The following CTNND2 variants were observed in gnomAD, a reference collection of about 807,000 sequenced individuals.
CTNND2 encodes the protein catenin delta 2, also known as catenin delta-2.
CTNND2 carries 22 observed loss-of-function variants against 144.4 expected under a neutral mutation model. That is an observed-to-expected ratio of 0.15 (90% CI 0.11 to 0.22). The LOEUF (loss-of-function observed/expected upper bound fraction) is 0.22. Among genes scored for constraint, CTNND2 ranks in the 10% least tolerant of loss-of-function variants. CTNND2 has a pLI of 1.00. For synonymous variants in CTNND2, 751 were observed against 695.6 expected, an observed-to-expected ratio of 1.08 and a Z score of -1.25; for missense variants, 1,353 against 1,618.8, an observed-to-expected ratio of 0.84 and a Z score of 2.82.
At chr5:11,106,429 AATG>A (rs1231448199) in intron 14 of CTNND2, among the ~76,000 whole-genome samples, 1 of 152,186 alleles carries the variant, frequency 6.6e-6, no homozygotes, top group African/African-American at 2.4e-5. Flanking sequence ...GTCTGTGTCA[AATG>A]ATAAGCTGTC....
chr5:11,283,340 T>C (rs550989579), intron 9 of CTNND2, among the ~76,000 whole-genome samples: 2 of 152,018 alleles, frequency 1.3e-5, no homozygotes, highest in Admixed American at 6.6e-5. Context: ...ACCAAAGAGA[T>C]ATGTCAACTT....
At chr5:11,271,608 G>C (rs1383882989) in intron 9 of CTNND2, among the ~76,000 whole-genome samples, 2 of 152,162 alleles carry the variant, frequency 1.3e-5, no homozygotes, top group African/African-American at 4.8e-5. Flanking sequence ...TCAATTGTCA[G>C]AATGGGTCCC....
At chr5:11,118,647 G>A (rs1042360664) in intron 12 of CTNND2, among the ~76,000 whole-genome samples, 3 of 152,172 alleles carry the variant, frequency 2.0e-5, no homozygotes, top group African/African-American at 7.2e-5. Context: ...GAGGAGGGTG[G>A]TGTTCTTTGC....
chr5:11,129,264 T>A (rs1300858094), intron 12 of CTNND2, among the ~76,000 whole-genome samples: 39 of 75,518 alleles, frequency 5.2e-4, no homozygotes, highest in African/African-American at 1.8e-3. Context: ...AAAATATAAA[T>A]ATATAAATAT....
intron 2 of CTNND2, among the ~76,000 whole-genome samples, chr5:11,666,231 G>A (rs559344737): frequency 2.0e-5 from 3 of 152,200 alleles, no homozygotes; most frequent in Non-Finnish European, 4.4e-5. Flanking sequence ...ATTCGAGGCT[G>A]TAGTTGGACT....
At chr5:11,639,213 C>T (rs1379553239) in intron 2 of CTNND2, among the ~76,000 whole-genome samples, 4 of 152,044 alleles carry the variant, frequency 2.6e-5, no homozygotes, top group Admixed American at 6.6e-5. Context: ...GTGCAGGACA[C>T]CAAGCACAAC....
intron 11 of CTNND2, among the ~76,000 whole-genome samples, chr5:11,188,463 T>G (rs61751819): frequency 6.6e-6 from 1 of 151,692 alleles, no homozygotes; most frequent in African/African-American, 2.4e-5. Context: ...AGTCAGGGAG[T>G]TGGGTGAGGG....
chr5:11,117,633 C>A, intron 12 of CTNND2, 66 bp from the exon 13 acceptor site: 1 of 1,225,074 alleles, frequency 8.2e-7, no homozygotes, highest in Non-Finnish European at 1.2e-6. Flanking sequence ...TTTCCATGCC[C>A]AGCTGCTCTC....
At chr5:11,213,222 T>G (rs906865273) in intron 10 of CTNND2, among the ~76,000 whole-genome samples, 1 of 152,056 alleles carries the variant, frequency 6.6e-6, no homozygotes, top group Non-Finnish European at 1.5e-5. Flanking sequence ...TGTGTTTCTG[T>G]GTTTAGCTCG....
intron 1 of CTNND2, among the ~76,000 whole-genome samples, chr5:11,751,808 T>G (rs1788638254): frequency 6.6e-6 from 1 of 151,916 alleles, no homozygotes; most frequent in Admixed American, 6.6e-5. Flanking sequence ...CTACAATGGC[T>G]GAACTAATTT....
At chr5:11,592,271 TCTTC>T (rs769384670) in intron 2 of CTNND2, among the ~76,000 whole-genome samples, 5 of 149,278 alleles carry the variant, frequency 3.3e-5, no homozygotes, top group Non-Finnish European at 6.0e-5. Context: ...TGCCTTCCTG[TCTTC>T]CTTCCTTCCT....
chr5:11,255,183 T>C (rs1744101900), intron 9 of CTNND2, among the ~76,000 whole-genome samples: 1 of 152,246 alleles, frequency 6.6e-6, no homozygotes, highest in Non-Finnish European at 1.5e-5. Context: ...TAATACTTCC[T>C]TGTGGTAAAT....
At chr5:11,714,513 C>A (rs4513697) in intron 2 of CTNND2, among the ~76,000 whole-genome samples, 3,819 of 152,204 alleles carry the variant, frequency 0.025, 158 homozygotes, top group African/African-American at 0.087. Flanking sequence ...GCCATTCTCA[C>A]ATTTAATAGT....
chr5:11,720,416 G>T (rs1414116558), intron 2 of CTNND2, among the ~76,000 whole-genome samples: 2 of 152,138 alleles, frequency 1.3e-5, no homozygotes, highest in Non-Finnish European at 2.9e-5. Context: ...ACAGAGACCT[G>T]CCTCTCCTAA....
At chr5:11,584,213 G>A (rs530476859) in intron 2 of CTNND2, among the ~76,000 whole-genome samples, 8 of 152,246 alleles carry the variant, frequency 5.3e-5, no homozygotes, top group East Asian at 1.9e-4. Flanking sequence ...TGACTAATGC[G>A]AAAGCTATGC....
chr5:11,065,288 T>C (rs1044687772), intron 16 of CTNND2, among the ~76,000 whole-genome samples: 7 of 152,216 alleles, frequency 4.6e-5, no homozygotes, highest in African/African-American at 1.4e-4. Flanking sequence ...CTTAAGATAG[T>C]TCTTTTGGAA....
intron 9 of CTNND2, among the ~76,000 whole-genome samples, chr5:11,328,021 A>G (rs938063252): frequency 2.0e-5 from 3 of 152,240 alleles, no homozygotes; most frequent in African/African-American, 7.2e-5. Flanking sequence ...TTTTAAAACC[A>G]AAGGAATAAA....
At chr5:11,871,247 A>G (rs1735092605) in intron 1 of CTNND2, among the ~76,000 whole-genome samples, 1 of 152,156 alleles carries the variant, frequency 6.6e-6, no homozygotes, top group Non-Finnish European at 1.5e-5. Context: ...GCAGGCACAA[A>G]CTGACTTAAG....
chr5:11,529,853 T>C (rs1773578234), intron 3 of CTNND2, among the ~76,000 whole-genome samples: 1 of 152,018 alleles, frequency 6.6e-6, no homozygotes, highest in South Asian at 2.1e-4. Context: ...CTCAGAACAA[T>C]ACACACTTGG....
Sources: gnomAD v4.1 joint callset for allele counts (sites outside exome capture counted in the v4.1 genomes callset) on GRCh38, gnomAD v4.1.1 for gene constraint, MANE v1.5 for transcripts, NCBI Gene and HGNC (gene_info 2026-07-23, HGNC 2026-07-21) for gene names.